ELAVL2: variants seen among roughly 807,000 people sequenced by gnomAD.
The protein encoded by ELAVL2 is ELAV like RNA binding protein 2.
Under a neutral mutation model 34.6 loss-of-function variants are expected in ELAVL2, and 4 were observed. The ratio of observed to expected loss-of-function variants is 0.12; its 90% CI spans 0.06 to 0.26. ELAVL2 has a LOEUF of 0.26. Among genes scored for constraint, ELAVL2 ranks in the 10% least tolerant of loss-of-function variants. ELAVL2 has a pLI of 1.00. For missense variants in ELAVL2, 432 were observed against 442.8 expected, an observed-to-expected ratio of 0.98 and a Z score of 0.22; for synonymous variants, 193 against 154.8, an observed-to-expected ratio of 1.25 and a Z score of -1.83.
At chr9:23,779,422 T>C in intron 1 of ELAVL2, 1 of 985,270 alleles carries the variant, frequency 1.0e-6, no homozygotes, top group Non-Finnish European at 1.2e-6. Flanking sequence ...CAATGGAAGA[T>C]CTGGGAGGTG....
At chr9:23,804,373 G>A (rs1197699552) in intron 1 of ELAVL2, among the ~76,000 whole-genome samples, 3 of 151,872 alleles carry the variant, frequency 2.0e-5, no homozygotes, top group Non-Finnish European at 4.4e-5. Context: ...ATACAAACAT[G>A]TAATGGCACA....
chr9:23,816,347 G>A (rs6475758), intron 1 of ELAVL2, among the ~76,000 whole-genome samples: 14,283 of 102,690 alleles, frequency 0.14, 1,199 homozygotes, highest in East Asian at 0.21. Context: ...AAAAAAAAAA[G>A]GGGATAAAAA....
At chr9:23,829,594 G>A (rs998844696), upstream of ELAVL2, 7 of 152,170 alleles carry the variant, frequency 4.6e-5, no homozygotes, top group Non-Finnish European at 1.0e-4. Flanking sequence ...TTGGAAATAT[G>A]ATAGTTTAAT....
rs1290641030 is a variant in ELAVL2, at chr9:23,691,307, T to C, written c.*1250A>G. ...TCATAAACACAAGGTCTTATTTACA[T>C]TACACAAAGCTCAGGTGTTAGCCTT... On this transcript the variant is annotated 3_prime_UTR_variant, in exon 7 of 7. Transcript: ENST00000397312. 2 of 152,634 alleles carry C rather than the reference T, an allele frequency of 1.3e-5. No individual in the cohort carries two copies. Among genetic ancestry groups the C allele is most frequent in the African/African-American group, 4.8e-5 (2 of 41,452 alleles). The allele number at this position is 152,634 out of a possible 1,614,324, so 9.5% of individuals were successfully genotyped here.
intron 4 of ELAVL2, among the ~76,000 whole-genome samples, chr9:23,702,978 A>AAAAAAAAAAAAAAAC (rs2037966431): frequency 7.7e-6 from 1 of 129,238 alleles, no homozygotes; most frequent in African/African-American, 3.4e-5. Context: ...AAAAAAAAAA[A>AAAAAAAAAAAAAAAC]AAACAGCCTC....
chr9:23,741,518 A>T (rs887960035), intron 2 of ELAVL2, among the ~76,000 whole-genome samples: 1 of 151,616 alleles, frequency 6.6e-6, no homozygotes, highest in Admixed American at 6.6e-5. Flanking sequence ...TCAACTCTTT[A>T]TTCCTTCCCT....
intron 1 of ELAVL2, among the ~76,000 whole-genome samples, chr9:23,785,824 T>G (rs563334300): frequency 6.6e-6 from 1 of 152,302 alleles, no homozygotes; most frequent in African/African-American, 2.4e-5. Context: ...GTTGATCGGT[T>G]TGATAGAGGA....
At chr9:23,703,329 T>G (rs1401056616) in intron 4 of ELAVL2, among the ~76,000 whole-genome samples, 1 of 152,218 alleles carries the variant, frequency 6.6e-6, no homozygotes, top group African/African-American at 2.4e-5. Context: ...TTGAACAAAT[T>G]CATCTTTATT....
chr9:23,776,107 C>T (rs1275154865), intron 1 of ELAVL2, among the ~76,000 whole-genome samples: 2 of 152,114 alleles, frequency 1.3e-5, no homozygotes, highest in African/African-American at 4.8e-5. Flanking sequence ...CATTGCAACC[C>T]TGTATAGCTG....
intron 5 of ELAVL2, among the ~76,000 whole-genome samples, chr9:23,699,087 T>C (rs1272003716): frequency 6.6e-6 from 1 of 152,196 alleles, no homozygotes; most frequent in African/African-American, 2.4e-5. Flanking sequence ...GGAAAAAGAA[T>C]TTTCAAGTTA....
intron 1 of ELAVL2, among the ~76,000 whole-genome samples, chr9:23,803,818 G>C (rs1419661419): frequency 6.6e-6 from 1 of 152,086 alleles, no homozygotes; most frequent in African/African-American, 2.4e-5. Context: ...CTGGTTTCAG[G>C]AACCTTTTCC....
At chr9:23,810,930 G>A (rs960976603) in intron 1 of ELAVL2, among the ~76,000 whole-genome samples, 6 of 152,094 alleles carry the variant, frequency 3.9e-5, no homozygotes, top group African/African-American at 1.2e-4. Context: ...TCTTCCTAAT[G>A]GTAAGTCAAC....
At chr9:23,762,890 A>G (rs1472298846) in intron 1 of ELAVL2, among the ~76,000 whole-genome samples, 3 of 152,118 alleles carry the variant, frequency 2.0e-5, no homozygotes, top group Admixed American at 1.3e-4. Flanking sequence ...GAAAGGAACT[A>G]ACTGTAAGGT....
At chr9:23,819,137 C>T (rs946945361) in intron 1 of ELAVL2, among the ~76,000 whole-genome samples, 11 of 152,020 alleles carry the variant, frequency 7.2e-5, no homozygotes, top group Middle Eastern at 3.2e-3. Context: ...GAGCCAAGAG[C>T]GGTTGGTTAC....
intron 1 of ELAVL2, among the ~76,000 whole-genome samples, chr9:23,785,561 A>G (rs1438193584): frequency 6.6e-6 from 1 of 152,338 alleles, no homozygotes; most frequent in South Asian, 2.1e-4. Context: ...AACAAAAATA[A>G]CAAGGGAGGA....
Position 23,761,939 on chromosome 9 carries a change from CTTA to C in ELAVL2, c.229+64_229+66del, listed in dbSNP as rs575049769. 9.6e-5 allele frequency: 143 copies of C among 1,486,636 alleles called. No homozygotes were observed. In the East Asian group the frequency reaches 2.7e-3, roughly 28 times the overall value. The allele number at this position is 1,486,636 out of a possible 1,614,324, so 92.1% of individuals were successfully genotyped here. ...CAGTGAATTATTTACAAGCAGTAAT[CTTA>C]TTATTTTCTCCTATCTTGAGACACG... On this transcript the variant is annotated intron_variant, in intron 2 of 6. Transcript: ENST00000397312.
intron 2 of ELAVL2, among the ~76,000 whole-genome samples, chr9:23,746,222 G>T (rs1022458731): frequency 3.9e-5 from 6 of 151,998 alleles, no homozygotes; most frequent in African/African-American, 1.5e-4. Flanking sequence ...CAATAGCTAT[G>T]GCAAGTTCAC....
At chr9:23,711,970 T>A (rs1234337065) in intron 3 of ELAVL2, among the ~76,000 whole-genome samples, 1 of 152,198 alleles carries the variant, frequency 6.6e-6, no homozygotes, top group Admixed American at 6.5e-5. Context: ...CAGACTACAA[T>A]GAAAATTCTA....
chr9:23,835,224 C>T, the ELAVL2 span, among the ~76,000 whole-genome samples: 3 of 152,078 alleles, frequency 2.0e-5, no homozygotes, highest in African/African-American at 7.2e-5. Context: ...TATATACCAT[C>T]ACAGTCTAAT....
Sources: gnomAD v4.1 joint callset for allele counts (sites outside exome capture counted in the v4.1 genomes callset) on GRCh38, gnomAD v4.1.1 for gene constraint, MANE v1.5 for transcripts, NCBI Gene and HGNC (gene_info 2026-07-23, HGNC 2026-07-21) for gene names.